The following TMEM132B variants were observed in gnomAD, a reference collection of about 807,000 sequenced individuals.
The protein encoded by TMEM132B is transmembrane protein 132B.
In TMEM132B, 18 loss-of-function variants were observed where a neutral mutation model predicts 90.8. The observed-to-expected ratio is 0.20, with a 90% confidence interval of 0.14 to 0.29. The LOEUF (loss-of-function observed/expected upper bound fraction) is 0.29. TMEM132B is among the 10% of genes least tolerant of loss of function. The pLI, the probability that TMEM132B is intolerant of heterozygous loss-of-function variation, is 1.00. For missense variants in TMEM132B, 1,096 were observed against 1,326.8 expected (o/e 0.83, Z 2.70); for synonymous variants, 504 against 523.3 (o/e 0.96, Z 0.50).
intron 2 of TMEM132B, among the ~76,000 whole-genome samples, chr12:125,383,961 T>C (rs1042055027): frequency 3.3e-5 from 5 of 152,214 alleles, no homozygotes; most frequent in African/African-American, 7.2e-5. Flanking sequence ...TTCTTTCTTT[T>C]TTTTAGATGG....
intron 3 of TMEM132B, among the ~76,000 whole-genome samples, chr12:125,436,084 G>A (rs1198352820): frequency 1.3e-5 from 2 of 152,154 alleles, no homozygotes; most frequent in Non-Finnish European, 2.9e-5. Flanking sequence ...TGCGGTCTTT[G>A]CCTCTTTCCA....
intron 3 of TMEM132B, among the ~76,000 whole-genome samples, chr12:125,419,368 G>A (rs1880110226): frequency 6.6e-6 from 1 of 152,192 alleles, no homozygotes; most frequent in Non-Finnish European, 1.5e-5. Context: ...GGCTGGGGAG[G>A]CCTCACAATC....
At chr12:125,197,569 C>G (rs1006040361) in intron 1 of TMEM132B, among the ~76,000 whole-genome samples, 1 of 152,216 alleles carries the variant, frequency 6.6e-6, no homozygotes. Context: ...TACATATTGT[C>G]TACAACTACT....
intron 4 of TMEM132B, among the ~76,000 whole-genome samples, chr12:125,564,983 G>A (rs949159871): frequency 6.6e-6 from 1 of 152,194 alleles, no homozygotes; most frequent in African/African-American, 2.4e-5. Flanking sequence ...GAGGTGGGAG[G>A]AGGAGGAATA....
intron 1 of TMEM132B, among the ~76,000 whole-genome samples, chr12:125,280,306 T>G (rs546735206): frequency 6.6e-6 from 1 of 152,354 alleles, no homozygotes; most frequent in East Asian, 1.9e-4. Context: ...CCATGCATTA[T>G]TTGTATAAAA....
intron 1 of TMEM132B, among the ~76,000 whole-genome samples, chr12:125,302,862 C>T (rs934808404): frequency 5.9e-5 from 9 of 152,172 alleles, no homozygotes; most frequent in East Asian, 3.9e-4. Context: ...TTTGGAAGGC[C>T]GAGGTGGGCG....
At chr12:125,290,086 G>A (rs1186416646) in intron 1 of TMEM132B, among the ~76,000 whole-genome samples, 1 of 152,164 alleles carries the variant, frequency 6.6e-6, no homozygotes, top group Admixed American at 6.5e-5. Flanking sequence ...CTTCATTAGA[G>A]CCTACAAAGT....
intron 5 of TMEM132B, among the ~76,000 whole-genome samples, chr12:125,617,828 G>A (rs11058268): frequency 0.018 from 2,808 of 152,054 alleles, 104 homozygotes; most frequent in African/African-American, 0.065. Flanking sequence ...TGTTTGAGGC[G>A]TCTCTGAGGT....
chr12:125,392,967 C>T (rs1879069369), intron 2 of TMEM132B, among the ~76,000 whole-genome samples: 1 of 152,180 alleles, frequency 6.6e-6, no homozygotes, highest in Non-Finnish European at 1.5e-5. Flanking sequence ...GCCAGCTTCC[C>T]TCCTGCGTAG....
At chr12:125,628,445 T>C (rs143067127) in intron 5 of TMEM132B, among the ~76,000 whole-genome samples, 146 of 152,320 alleles carry the variant, frequency 9.6e-4, no homozygotes, top group African/African-American at 3.3e-3. Flanking sequence ...TTCTGTCTTC[T>C]TTTGATAAAT....
chr12:125,632,572 A>G (rs1262805555), intron 5 of TMEM132B, among the ~76,000 whole-genome samples: 2 of 152,144 alleles, frequency 1.3e-5, no homozygotes, highest in Non-Finnish European at 2.9e-5. Flanking sequence ...CTTACAGGAC[A>G]GGCCTGATGA....
intron 3 of TMEM132B, among the ~76,000 whole-genome samples, chr12:125,496,633 A>G (rs1013998800): frequency 1.3e-5 from 2 of 152,148 alleles, no homozygotes; most frequent in South Asian, 2.1e-4. Context: ...GGCTAGACCT[A>G]GGGCTTGATG....
intron 2 of TMEM132B, among the ~76,000 whole-genome samples, chr12:125,401,336 G>A (rs139011640): frequency 1.3e-5 from 2 of 152,326 alleles, no homozygotes; most frequent in African/African-American, 4.8e-5. Context: ...TCTAGTGGGA[G>A]AGACAGATAA....
intron 4 of TMEM132B, 84 bp from the exon 5 acceptor site, chr12:125,583,767 T>G: frequency 1.3e-6 from 2 of 1,498,944 alleles, no homozygotes. Flanking sequence ...ATGAAGGCAG[T>G]AGGGAGCTTG....
intron 4 of TMEM132B, among the ~76,000 whole-genome samples, chr12:125,576,544 T>C (rs978448353): frequency 1.3e-5 from 2 of 148,850 alleles, no homozygotes; most frequent in African/African-American, 4.9e-5. Context: ...CTTTGTCTCG[T>C]TCCTGATCTT....
chr12:125,486,763 T>C (rs1882216257), intron 3 of TMEM132B, among the ~76,000 whole-genome samples: 1 of 152,230 alleles, frequency 6.6e-6, no homozygotes, highest in Non-Finnish European at 1.5e-5. Flanking sequence ...ACGTGTATGA[T>C]TGCTGGCTGT....
intron 1 of TMEM132B, among the ~76,000 whole-genome samples, chr12:125,298,977 C>T (rs1478790441): frequency 6.6e-6 from 1 of 152,004 alleles, no homozygotes; most frequent in Non-Finnish European, 1.5e-5. Flanking sequence ...TCGTGATCTG[C>T]CTGCCTCGGC....
At chr12:125,513,386 G>A (rs1883032127) in intron 3 of TMEM132B, among the ~76,000 whole-genome samples, 1 of 152,152 alleles carries the variant, frequency 6.6e-6, no homozygotes, top group South Asian at 2.1e-4. Flanking sequence ...GTGCGTGTGC[G>A]AGAGAGTATC....
chr12:125,468,812 CG>C (rs1881639423), intron 3 of TMEM132B, among the ~76,000 whole-genome samples: 1 of 152,098 alleles, frequency 6.6e-6, no homozygotes. Flanking sequence ...ATCCTCTAAC[CG>C]TCTTGGTTAA....
Sources: allele counts gnomAD v4.1 joint callset (sites outside exome capture counted in the v4.1 genomes callset), GRCh38; gene constraint gnomAD v4.1.1; transcripts MANE v1.5; gene names NCBI Gene and HGNC (gene_info 2026-07-23, HGNC 2026-07-21).